ADK: variants seen among roughly 807,000 people sequenced by gnomAD.
The protein encoded by ADK is adenosine kinase.
ADK carries 24 observed loss-of-function variants against 44.7 expected under a neutral mutation model. The ratio of observed to expected loss-of-function variants is 0.54; its 90% CI spans 0.39 to 0.76. The LOEUF (loss-of-function observed/expected upper bound fraction) is 0.76. Among genes scored for constraint, ADK ranks in the 30% least tolerant of loss-of-function variants. The pLI, the probability that ADK is intolerant of heterozygous loss-of-function variation, is 0.00. For missense variants in ADK, 321 were observed against 425.1 expected, an observed-to-expected ratio of 0.76 and a Z score of 2.15; for synonymous variants, 128 against 142.6, an observed-to-expected ratio of 0.90 and a Z score of 0.73.
chr10:74,356,028 T>TTTTGAGACGGAGTCTCGCTC, intron 4 of ADK, among the ~76,000 whole-genome samples: 1 of 142,880 alleles, frequency 7.0e-6, no homozygotes, highest in Non-Finnish European at 1.5e-5. Flanking sequence ...TTTTTTTTTT[T>TTTTGAGACGGAGTCTCGCTC]TGAGACGGAG....
Position 74,385,935 on chromosome 10 carries a change from A to G in ADK, c.274-8206A>G, listed in dbSNP as rs74146349. Among the ~76,000 whole-genome samples the G allele has an allele frequency of 1.3e-3, 201 of 152,286 alleles. 1 individual carries two copies. The highest frequency in any genetic ancestry group is 4.4e-3 in the African/African-American group (182 of 41,560). On this transcript the variant is annotated intron_variant, in intron 4 of 10. Transcript: ENST00000539909. Reference sequence around the variant, plus strand: ...GAAAGAACAGGATTATTAGAAATTGATTTTTATTAATAGGATGCTTGCTGG... The same window carrying G: ...GAAAGAACAGGATTATTAGAAATTGGTTTTTATTAATAGGATGCTTGCTGG...
At chr10:74,425,615 G>C (rs1247519015) in intron 6 of ADK, among the ~76,000 whole-genome samples, 1 of 152,144 alleles carries the variant, frequency 6.6e-6, no homozygotes, top group African/African-American at 2.4e-5. Flanking sequence ...GTTGGGAAAA[G>C]ATATGTACAG....
At chr10:74,326,431 CA>C (rs34807188) in intron 4 of ADK, among the ~76,000 whole-genome samples, 66,374 of 129,884 alleles carry the variant, frequency 0.51, 16,463 homozygotes, top group Non-Finnish European at 0.61. Flanking sequence ...CTTGTTTCTA[CA>C]AAAAAAAAAA....
chr10:74,508,429 A>G lies in ADK; in HGVS notation c.556-16827A>G, dbSNP rs1388641110. The G allele has an allele frequency of 3.3e-5, 5 of 152,318 alleles. No individual in the cohort carries two copies. In the East Asian group the frequency reaches 9.6e-4, roughly 29 times the overall value. 9.4% of individuals were successfully genotyped at this position (152,318 alleles called of 1,614,324 possible). On this transcript the variant is annotated intron_variant, in intron 6 of 10. Coordinates refer to ENST00000539909, the MANE Select transcript of ADK (RefSeq NM_006721.4). ...TTCTTGTTATTTCTAGAGGAATAAT[A>G]TCAATACAATGTAAATATGTATGGA... is the stretch of plus-strand genomic sequence containing the variant.
chr10:74,343,338 A>T (rs369303072), intron 4 of ADK, among the ~76,000 whole-genome samples: 1 of 152,196 alleles, frequency 6.6e-6, no homozygotes, highest in Admixed American at 6.5e-5. Context: ...CATAAAGTCA[A>T]TTACCACATA....
intron 1 of ADK, among the ~76,000 whole-genome samples, chr10:74,165,747 C>T (rs188479377): frequency 2.0e-5 from 3 of 152,208 alleles, no homozygotes; most frequent in Non-Finnish European, 2.9e-5. Flanking sequence ...GCTAGATAAG[C>T]ACCCTGTTTA....
intron 6 of ADK, among the ~76,000 whole-genome samples, chr10:74,406,572 C>G (rs1321817538): frequency 2.7e-5 from 4 of 150,692 alleles, no homozygotes; most frequent in African/African-American, 9.7e-5. Flanking sequence ...GAAGAAGCCA[C>G]TTGTAGTTGA....
intron 4 of ADK, among the ~76,000 whole-genome samples, chr10:74,383,962 G>A (rs1251781508): frequency 2.0e-5 from 3 of 152,082 alleles, no homozygotes; most frequent in East Asian, 1.9e-4. Context: ...ATATTTTGGG[G>A]GTAGTGTGTC....
Position 74,175,374 on chromosome 10 carries a change from CA to C in ADK, c.65+24046del, listed in dbSNP as rs1224759058. Among the ~76,000 whole-genome samples, 295 of 87,078 alleles carry C rather than the reference CA, an allele frequency of 3.4e-3. 2 individuals are homozygous for C. The highest frequency in any genetic ancestry group is 0.013 in the Middle Eastern group (2 of 158). 57.1% of individuals were successfully genotyped at this position (87,078 alleles called of 152,430 possible). ...TGGGCGACAGAACAAGACTCCAGCTCAAAAAAAAAAAAAAAGTGAAATGTAG... is the reference window on the plus strand; with the variant it reads ...TGGGCGACAGAACAAGACTCCAGCTCAAAAAAAAAAAAAAGTGAAATGTAG... On this transcript the variant is annotated intron_variant, in intron 1 of 10. Transcript: ENST00000539909.
chr10:74,591,418 C>T (rs144246819), intron 8 of ADK, among the ~76,000 whole-genome samples: 2,027 of 152,206 alleles, frequency 0.013, 26 homozygotes, highest in Non-Finnish European at 0.021. Flanking sequence ...TGTGTCTCTT[C>T]GTAGATTCCC....
chr10:74,156,219 T>C (rs1280102947), intron 1 of ADK, among the ~76,000 whole-genome samples: 1 of 152,188 alleles, frequency 6.6e-6, no homozygotes, highest in African/African-American at 2.4e-5. Flanking sequence ...AGACTATGTT[T>C]CTTATTTTGG....
At chr10:74,690,151 A>G (rs906440272) in intron 10 of ADK, among the ~76,000 whole-genome samples, 3 of 152,208 alleles carry the variant, frequency 2.0e-5, no homozygotes, top group Non-Finnish European at 4.4e-5. Flanking sequence ...GCAATGTAAT[A>G]TGCCTCCCCT....
At chr10:74,341,381 C>CG (rs1841576607) in intron 4 of ADK, among the ~76,000 whole-genome samples, 1 of 151,086 alleles carries the variant, frequency 6.6e-6, no homozygotes, top group Non-Finnish European at 1.5e-5. Flanking sequence ...AAAAAATTAG[C>CG]TGGGTGTGTT....
At position 74,655,474 on chromosome 10, in the gene ADK, C is replaced by T. The variant is rs544220839; in HGVS notation, c.878-14709C>T. Reference sequence around the variant, plus strand: ...CTGGGCTGAGGAATGACACTCGCAACATGCCTGTGCAGCTGCCACTGGCTC... The same window carrying T: ...CTGGGCTGAGGAATGACACTCGCAATATGCCTGTGCAGCTGCCACTGGCTC... On this transcript the variant is annotated intron_variant, in intron 9 of 10. Transcript: ENST00000539909. 198 of 473,000 alleles carry T rather than the reference C, an allele frequency of 4.2e-4. 1 individual carries two copies. The highest frequency in any genetic ancestry group is 3.4e-3 in the Middle Eastern group (6 of 1,748). The allele number at this position is 473,000 out of a possible 1,614,324, so 29.3% of individuals were successfully genotyped here. A position where few individuals can be genotyped will look rare whatever the true frequency, so the allele number is the denominator to read the frequency against.
At chr10:74,644,408 T>C (rs1426642724) in intron 9 of ADK, among the ~76,000 whole-genome samples, 5 of 152,272 alleles carry the variant, frequency 3.3e-5, no homozygotes, top group Non-Finnish European at 7.3e-5. Context: ...GTTTATATTC[T>C]AGTCTTGTAA....
chr10:74,357,367 G>A (rs576632770), intron 4 of ADK, among the ~76,000 whole-genome samples: 3 of 151,864 alleles, frequency 2.0e-5, no homozygotes, highest in African/African-American at 4.8e-5. Flanking sequence ...GTGCAGTGGC[G>A]CAAGGCTCAT....
At chr10:74,609,425 G>A (rs1194486837) in intron 9 of ADK, among the ~76,000 whole-genome samples, 1 of 152,170 alleles carries the variant, frequency 6.6e-6, no homozygotes, top group Non-Finnish European at 1.5e-5. Context: ...GAAAAGTGTA[G>A]TTATCTGGGC....
chr10:74,309,059 A>G (rs11000980), intron 3 of ADK, among the ~76,000 whole-genome samples: 45,818 of 152,072 alleles, frequency 0.3, 8,817 homozygotes, highest in Non-Finnish European at 0.44. Context: ...AAATGATTCT[A>G]TGTTGAAGGG....
At chr10:74,440,886 G>A (rs550632759) in intron 6 of ADK, among the ~76,000 whole-genome samples, 4 of 152,226 alleles carry the variant, frequency 2.6e-5, no homozygotes, top group African/African-American at 7.2e-5. Context: ...CCTACTATAC[G>A]TATCCTGTGA....
Sources: allele counts gnomAD v4.1 joint callset (sites outside exome capture counted in the v4.1 genomes callset), GRCh38; gene constraint gnomAD v4.1.1; transcripts MANE v1.5; gene names NCBI Gene and HGNC (gene_info 2026-07-23, HGNC 2026-07-21).